Variants in MYPN observed in about 807,000 individuals in gnomAD.
The protein encoded by MYPN is myopalladin, also known as sarcomeric protein myopalladin, 145 kDa (MYOP).
MYPN carries 63 observed loss-of-function variants against 129.4 expected under a neutral mutation model. That is an observed-to-expected ratio of 0.49 (90% confidence interval 0.40 to 0.60). MYPN has a LOEUF of 0.60. MYPN is among the 20% of genes least tolerant of loss of function. MYPN has a pLI of 0.00. For synonymous variants in MYPN, 629 were observed against 600.9 expected (o/e 1.05, Z -0.68); for missense variants, 1,596 against 1,635.4 (o/e 0.98, Z 0.42).
intron 2 of MYPN, among the ~76,000 whole-genome samples, chr10:68,131,544 A>G (rs778262047): frequency 7.2e-5 from 11 of 152,112 alleles, no homozygotes; most frequent in Non-Finnish European, 1.3e-4. Context: ...GTATTCTTTA[A>G]TTTCTGTCAC....
At chr10:68,108,909 CG>C (rs2133957788), upstream of MYPN, among the ~76,000 whole-genome samples, 1 of 152,104 alleles carries the variant, frequency 6.6e-6, no homozygotes, top group Non-Finnish European at 1.5e-5. Flanking sequence ...TTAGTGGAGA[CG>C]GGGTTTCGCC....
intron 12 of MYPN, among the ~76,000 whole-genome samples, chr10:68,181,912 C>T (rs1368653069): frequency 1.3e-5 from 2 of 151,952 alleles, no homozygotes; most frequent in Non-Finnish European, 2.9e-5. Flanking sequence ...CCTCGCTAAA[C>T]TTGAGGTGAA....
intron 2 of MYPN, among the ~76,000 whole-genome samples, chr10:68,138,860 A>C (rs1201350776): frequency 1.3e-5 from 2 of 152,204 alleles, no homozygotes; most frequent in Non-Finnish European, 1.5e-5. Flanking sequence ...CAAGCCTGGT[A>C]GGGTAAAGTG....
chr10:68,148,847 T>C (rs2042716587), intron 5 of MYPN, among the ~76,000 whole-genome samples: 1 of 152,138 alleles, frequency 6.6e-6, no homozygotes, highest in Non-Finnish European at 1.5e-5. Context: ...GAAGCAAGCA[T>C]GTAGTTATTT....
At position 68,121,651 on chromosome 10, in the gene MYPN, A is replaced by G. The variant is rs1192337648; in HGVS notation, c.213A>G (p.Glu71=). 6.2e-7 allele frequency: 1 copy of G among 1,614,224 alleles called. No homozygotes were observed. Among genetic ancestry groups the G allele is most frequent in the African/African-American group, 1.3e-5 (1 of 75,070 alleles). ...TTTCAGCCTTTCTGAGCCAAGAAGA[A>G]TTAGACGAAAGTGTCAATTTGGCAA... ...PDLSAFLSQE[E]LDESVNLARL... Residue 71 remains glutamate, a synonymous_variant, in exon 2 of 20, where the codon GAA becomes GAG. Coordinates refer to ENST00000358913, the MANE Select transcript of MYPN (RefSeq NM_032578.4).
chr10:68,207,628 A>C (rs1382495297), intron 19 of MYPN, among the ~76,000 whole-genome samples: 1 of 152,148 alleles, frequency 6.6e-6, no homozygotes, highest in African/African-American at 2.4e-5. Context: ...CCAATCCCCC[A>C]GACTTCTCTA....
At position 68,189,023 on chromosome 10, in the gene MYPN, A is replaced by C; in HGVS notation, c.2822A>C (p.Lys941Thr). The C allele has an allele frequency of 6.2e-7, 1 of 1,614,178 alleles. No individual in the cohort carries two copies. Among genetic ancestry groups the C allele is most frequent in the Non-Finnish European group, 8.5e-7 (1 of 1,180,020 alleles). The change falls in exon 13 of 20, where the codon AAG becomes ACG. Residue 941 changes from lysine to threonine, a missense_variant. Physicochemically the swap from Lys to Thr is moderately conservative, Grantham distance 78. Transcript: ENST00000358913. ...EIQHDEIPTG[K>T]CIAPIFDKRL... ...CAACATGATGAGATCCCCACGGGCA[A>C]GTGTATTGCTCCCATCTTTGACAAG... is the stretch of plus-strand genomic sequence containing the variant.
At position 68,199,348 on chromosome 10, in the gene MYPN, G is replaced by A; in HGVS notation, c.3286-20G>A. On this transcript the variant is annotated intron_variant, in intron 16 of 19. Transcript: ENST00000358913. ...TGCCTGTCATCAGTCATGTGCCTCA[G>A]CTGTTCTGTTGTTTATTAGGTGAGT... is the stretch of plus-strand genomic sequence containing the variant. The A allele has an allele frequency of 6.2e-7, 1 of 1,612,216 alleles. No individual in the cohort carries two copies. The highest frequency in any genetic ancestry group is 1.3e-5 in the African/African-American group (1 of 74,956).
chr10:68,144,272 T>C (rs1480247375), intron 3 of MYPN, among the ~76,000 whole-genome samples: 1 of 152,218 alleles, frequency 6.6e-6, no homozygotes, highest in Non-Finnish European at 1.5e-5. Flanking sequence ...TGTCTGCAGA[T>C]CATTCTTTAG....
intron 2 of MYPN, 66 bp downstream of exon 2, chr10:68,122,406 TTA>T (rs1425742671): frequency 2.5e-5 from 39 of 1,548,130 alleles, no homozygotes; most frequent in Non-Finnish European, 3.3e-5. Context: ...CTCCCAAGTA[TTA>T]TCATTTAAGC....
rs1220313667 is a variant in MYPN, at chr10:68,186,127, TCTTTTA to T, written c.2704-2773_2704-2768del. Among the ~76,000 whole-genome samples the T allele has an allele frequency of 2.6e-5, 4 of 152,220 alleles. No homozygotes were observed. The East Asian group carries it at 7.7e-4, about 29-fold the overall frequency. ...ATCTGGTTTCAGAATCCAGTAACAA[TCTTTTA>T]CTTTAACTGATTTGAATGATCTCAT... is the stretch of plus-strand genomic sequence containing the variant. On this transcript the variant is annotated intron_variant, in intron 12 of 19. Coordinates refer to ENST00000358913, the MANE Select transcript of MYPN (RefSeq NM_032578.4).
At chr10:68,153,446 T>C (rs7095238) in intron 6 of MYPN, among the ~76,000 whole-genome samples, 79,198 of 152,036 alleles carry the variant, frequency 0.52, 21,272 homozygotes, top group Non-Finnish European at 0.59. Context: ...GAATTAATCA[T>C]TCACATACTT....
At chr10:68,184,659 C>T (rs1325863247) in intron 12 of MYPN, among the ~76,000 whole-genome samples, 3 of 152,126 alleles carry the variant, frequency 2.0e-5, no homozygotes, top group African/African-American at 7.2e-5. Context: ...GAGATAGGAG[C>T]AGAGGAAACA....
chr10:68,093,385 G>C (rs1412994198), intron 1 of MYPN, among the ~76,000 whole-genome samples: 1 of 151,984 alleles, frequency 6.6e-6, no homozygotes, highest in Non-Finnish European at 1.5e-5. Context: ...CAGCGTTCTT[G>C]GATCAAGAAA....
intron 6 of MYPN, among the ~76,000 whole-genome samples, chr10:68,157,562 G>A (rs887742149): frequency 5.9e-5 from 9 of 151,398 alleles, no homozygotes; most frequent in Admixed American, 2.6e-4. Context: ...GGCCGGGTGC[G>A]GTAGCTCAAG....
chr10:68,106,031 A>G, upstream of MYPN: 1 of 398,432 alleles, frequency 2.5e-6, no homozygotes, highest in Non-Finnish European at 5.0e-6. Context: ...CTGGATCTGC[A>G]ACGGAACCCT....
intron 1 of MYPN, among the ~76,000 whole-genome samples, chr10:68,090,621 TC>T (rs2041926435): frequency 6.6e-6 from 1 of 152,174 alleles, no homozygotes; most frequent in African/African-American, 2.4e-5. Flanking sequence ...TCAATTATAA[TC>T]TTAGATAACC....
chr10:68,090,014 T>C (rs1424104464), intron 1 of MYPN, among the ~76,000 whole-genome samples: 4 of 152,158 alleles, frequency 2.6e-5, no homozygotes, highest in African/African-American at 4.8e-5. Flanking sequence ...GTGTCTAGAA[T>C]AGCGCCTTGC....
intron 12 of MYPN, among the ~76,000 whole-genome samples, chr10:68,181,001 C>T (rs570945994): frequency 2.0e-5 from 3 of 152,286 alleles, no homozygotes; most frequent in African/African-American, 7.2e-5. Flanking sequence ...CATAAAGCAA[C>T]TCTAATTCTA....
Sources: gnomAD v4.1 joint callset for allele counts (sites outside exome capture counted in the v4.1 genomes callset) on GRCh38, gnomAD v4.1.1 for gene constraint, MANE v1.5 for transcripts, NCBI Gene and HGNC (gene_info 2026-07-23, HGNC 2026-07-21) for gene names.